Variants in CSMD1 observed in about 807,000 individuals in gnomAD.
The protein encoded by CSMD1 is CUB and sushi domain-containing protein 1.
Under a neutral mutation model 417.5 loss-of-function variants are expected in CSMD1, and 213 were observed. That is an observed-to-expected ratio of 0.51 (90% CI 0.46 to 0.57). The LOEUF (loss-of-function observed/expected upper bound fraction) is 0.57. Among genes scored for constraint, CSMD1 ranks in the 20% least tolerant of loss-of-function variants. CSMD1 has a pLI of 0.00. For synonymous variants in CSMD1, 2,862 were observed against 1,736.8 expected (o/e 1.65, Z -16.11); for missense variants, 6,923 against 4,529.7 (o/e 1.53, Z -15.17).
chr8:3,071,035 C>T (rs931931713), intron 49 of CSMD1, among the ~76,000 whole-genome samples: 10 of 152,188 alleles, frequency 6.6e-5, no homozygotes, highest in Non-Finnish European at 1.5e-4. Context: ...ATAACCATGT[C>T]ACACTGTCAC....
chr8:3,323,413 G>C (rs1806281939), intron 23 of CSMD1, among the ~76,000 whole-genome samples: 1 of 151,302 alleles, frequency 6.6e-6, no homozygotes. Context: ...GTCACTAATA[G>C]TCATCAAAGC....
At chr8:3,643,785 C>T (rs144288880) in intron 7 of CSMD1, among the ~76,000 whole-genome samples, 9 of 151,520 alleles carry the variant, frequency 5.9e-5, no homozygotes, top group African/African-American at 2.2e-4. Context: ...GTTCACCCAC[C>T]AGTAATACAG....
rs1431461309 is a variant in CSMD1 at position 4,177,207 on chromosome 8, G to C, written c.416-145108C>G. On this transcript the variant is annotated intron_variant, in intron 3 of 69. Transcript: ENST00000635120. Reference sequence around the variant, plus strand: ...AAAGCTCTCCTCAGCAAATGTAAAAGAAGAGAAATTATAACAAACTGTCTC... The same window carrying C: ...AAAGCTCTCCTCAGCAAATGTAAAACAAGAGAAATTATAACAAACTGTCTC... Among the ~76,000 whole-genome samples, 5 of 152,112 alleles carry C rather than the reference G, an allele frequency of 3.3e-5. No homozygotes were observed. The East Asian group carries it at 9.6e-4, about 29-fold the overall frequency.
intron 3 of CSMD1, among the ~76,000 whole-genome samples, chr8:4,195,853 G>C (rs548967326): frequency 2.6e-5 from 4 of 152,214 alleles, no homozygotes; most frequent in African/African-American, 7.2e-5. Flanking sequence ...TTAACGCCTT[G>C]ATCATAGCAT....
At chr8:4,034,276 G>C (rs1235557377) in intron 3 of CSMD1, among the ~76,000 whole-genome samples, 1 of 152,128 alleles carries the variant, frequency 6.6e-6, no homozygotes, top group Non-Finnish European at 1.5e-5. Flanking sequence ...AAATACTAGT[G>C]TTTAGATATT....
intron 3 of CSMD1, among the ~76,000 whole-genome samples, chr8:4,348,634 G>A (rs566230888): frequency 2.2e-5 from 3 of 137,448 alleles, no homozygotes; most frequent in Non-Finnish European, 4.7e-5. Context: ...GAGGGGAGAG[G>A]GGGAGAGGGA....
chr8:4,787,684 A>G (rs762274566), intron 1 of CSMD1: 11 of 1,589,570 alleles, frequency 6.9e-6, no homozygotes, highest in Non-Finnish European at 6.9e-6. Context: ...TTACCCACCT[A>G]AAGTGGAGTT....
intron 2 of CSMD1, among the ~76,000 whole-genome samples, chr8:4,550,241 T>C (rs1049217057): frequency 6.6e-6 from 1 of 151,882 alleles, no homozygotes; most frequent in African/African-American, 2.4e-5. Flanking sequence ...GCCTTCACTT[T>C]TGCTTCTCAT....
At chr8:3,564,909 A>G (rs147145407) in intron 10 of CSMD1, among the ~76,000 whole-genome samples, 4 of 152,050 alleles carry the variant, frequency 2.6e-5, no homozygotes, top group Non-Finnish European at 5.9e-5. Flanking sequence ...CACAGAGACA[A>G]ATATGTTGGA....
chr8:4,433,123 G>C (rs1285078557), intron 2 of CSMD1, among the ~76,000 whole-genome samples: 1 of 152,198 alleles, frequency 6.6e-6, no homozygotes, highest in African/African-American at 2.4e-5. Flanking sequence ...AGATGGGACT[G>C]ACCAGTTGCA....
chr8:4,986,548 G>T (rs957593294), intron 1 of CSMD1, among the ~76,000 whole-genome samples: 1 of 151,996 alleles, frequency 6.6e-6, no homozygotes, highest in African/African-American at 2.4e-5. Flanking sequence ...CTAACATTTA[G>T]CCCTTTCTTA....
intron 3 of CSMD1, among the ~76,000 whole-genome samples, chr8:4,036,682 T>C (rs909772257): frequency 6.6e-6 from 1 of 152,234 alleles, no homozygotes; most frequent in Non-Finnish European, 1.5e-5. Context: ...TTCATGAAAT[T>C]GCATTTCTCA....
intron 1 of CSMD1, among the ~76,000 whole-genome samples, chr8:4,860,154 C>A (rs60959219): frequency 6.7e-6 from 1 of 150,244 alleles, no homozygotes; most frequent in Non-Finnish European, 1.5e-5. Context: ...AGTAAACTAT[C>A]GCAAGAACAA....
At chr8:4,072,643 G>A (rs1031681435) in intron 3 of CSMD1, among the ~76,000 whole-genome samples, 1 of 152,174 alleles carries the variant, frequency 6.6e-6, no homozygotes, top group South Asian at 2.1e-4. Flanking sequence ...ACATCCACAT[G>A]ATTAAGGAAG....
At chr8:3,533,609 C>G (rs1477573833) in intron 10 of CSMD1, among the ~76,000 whole-genome samples, 5 of 152,134 alleles carry the variant, frequency 3.3e-5, no homozygotes, top group Non-Finnish European at 7.4e-5. Context: ...CCTTGCTTCC[C>G]TGAATCCACT....
At chr8:3,479,010 A>C (rs942880055) in intron 11 of CSMD1, among the ~76,000 whole-genome samples, 1 of 151,958 alleles carries the variant, frequency 6.6e-6, no homozygotes, top group Admixed American at 6.6e-5. Context: ...CATCTCCCCA[A>C]GCCCACCCAA....
intron 50 of CSMD1, among the ~76,000 whole-genome samples, chr8:3,051,960 A>T (rs1045335715): frequency 1.3e-5 from 2 of 152,214 alleles, no homozygotes; most frequent in African/African-American, 4.8e-5. Context: ...AACTTACCCC[A>T]CTTCACAAAT....
intron 7 of CSMD1, among the ~76,000 whole-genome samples, chr8:3,679,508 A>T (rs1799543559): frequency 6.6e-6 from 1 of 152,208 alleles, no homozygotes; most frequent in Non-Finnish European, 1.5e-5. Context: ...ATATTCACCC[A>T]ATACAGGAGC....
At chr8:4,867,986 T>A (rs1802516240) in intron 1 of CSMD1, among the ~76,000 whole-genome samples, 2 of 152,068 alleles carry the variant, frequency 1.3e-5, no homozygotes, top group African/African-American at 4.8e-5. Context: ...TGTACATCCT[T>A]TAAATTCAGT....
Sources: allele counts gnomAD v4.1 joint callset (sites outside exome capture counted in the v4.1 genomes callset), GRCh38; gene constraint gnomAD v4.1.1; transcripts MANE v1.5; gene names NCBI Gene and HGNC (gene_info 2026-07-23, HGNC 2026-07-21).